The following GPC6 variants were observed in gnomAD, a reference collection of about 807,000 sequenced individuals.
The protein encoded by GPC6 is glypican 6.
Under a neutral mutation model 55.2 loss-of-function variants are expected in GPC6, and 14 were observed. The observed-to-expected ratio is 0.25, with a 90% CI of 0.17 to 0.40. GPC6 has a LOEUF of 0.40. Among genes scored for constraint, GPC6 ranks in the 10% least tolerant of loss-of-function variants. The pLI is 1.00. For synonymous variants in GPC6, 278 were observed against 259.6 expected, an observed-to-expected ratio of 1.07 and a Z score of -0.68; for missense variants, 641 against 708.5, an observed-to-expected ratio of 0.90 and a Z score of 1.08.
chr13:94,240,385 A>T (rs1891018034), intron 4 of GPC6, among the ~76,000 whole-genome samples: 1 of 152,110 alleles, frequency 6.6e-6, no homozygotes, highest in Non-Finnish European at 1.5e-5. Flanking sequence ...TCATAATCAG[A>T]TTAATATTTT....
chr13:93,220,947 G>C, the GPC6 span, among the ~76,000 whole-genome samples: 2 of 152,096 alleles, frequency 1.3e-5, no homozygotes. Flanking sequence ...GCAGTGCACT[G>C]TCACCACTCA....
At chr13:93,550,046 T>C (rs1471687465) in intron 2 of GPC6, among the ~76,000 whole-genome samples, 1 of 152,184 alleles carries the variant, frequency 6.6e-6, no homozygotes. Context: ...AATCTACCCA[T>C]ATCTTTGAGA....
chr13:93,975,057 C>A (rs535819360), intron 3 of GPC6, among the ~76,000 whole-genome samples: 1 of 152,126 alleles, frequency 6.6e-6, no homozygotes, highest in Non-Finnish European at 1.5e-5. Context: ...TTCAGCATTG[C>A]CTGGGAATTG....
chr13:93,989,506 A>G (rs1157902073), intron 3 of GPC6, among the ~76,000 whole-genome samples: 1 of 152,204 alleles, frequency 6.6e-6, no homozygotes, highest in Non-Finnish European at 1.5e-5. Context: ...AGCCTCAGCC[A>G]TTCACAGTGA....
intron 4 of GPC6, among the ~76,000 whole-genome samples, chr13:94,166,620 C>A (rs1888379634): frequency 6.6e-6 from 1 of 152,118 alleles, no homozygotes. Context: ...CTGCACCATA[C>A]ATTATAGCTA....
intron 2 of GPC6, among the ~76,000 whole-genome samples, chr13:93,610,633 AC>A (rs1329699429): frequency 6.6e-6 from 1 of 152,226 alleles, no homozygotes; most frequent in East Asian, 1.9e-4. Context: ...GTTTATATGT[AC>A]ATGTGTACTT....
chr13:93,481,681 T>A (rs1196855398), intron 1 of GPC6, among the ~76,000 whole-genome samples: 1 of 152,086 alleles, frequency 6.6e-6, no homozygotes, highest in Non-Finnish European at 1.5e-5. Context: ...GCAGAATCAT[T>A]TGTTGAATAC....
At chr13:93,307,219 A>G (rs1289670281) in intron 1 of GPC6, among the ~76,000 whole-genome samples, 1 of 152,124 alleles carries the variant, frequency 6.6e-6, no homozygotes, top group African/African-American at 2.4e-5. Flanking sequence ...GCAGTAGTAC[A>G]ATGTAATTTC....
chr13:93,990,008 A>G (rs934194327), intron 3 of GPC6, among the ~76,000 whole-genome samples: 2 of 151,128 alleles, frequency 1.3e-5, no homozygotes, highest in African/African-American at 4.8e-5. Context: ...AAATAAATGT[A>G]AAGCACACCT....
chr13:93,903,545 A>G (rs1395266995), intron 3 of GPC6, among the ~76,000 whole-genome samples: 1 of 152,162 alleles, frequency 6.6e-6, no homozygotes, highest in Admixed American at 6.5e-5. Flanking sequence ...TGCTCAGACT[A>G]TATATTGTAG....
chr13:93,615,844 A>C (rs922451820), intron 2 of GPC6, among the ~76,000 whole-genome samples: 1 of 152,108 alleles, frequency 6.6e-6, no homozygotes, highest in Non-Finnish European at 1.5e-5. Context: ...AAACTCTCTG[A>C]AAATACTTAA....
intron 4 of GPC6, among the ~76,000 whole-genome samples, chr13:94,118,148 T>C (rs539165182): frequency 4.6e-5 from 7 of 152,138 alleles, no homozygotes; most frequent in African/African-American, 1.4e-4. Context: ...CATCTTGAAT[T>C]GTAGTTCTCA....
At chr13:93,330,281 T>A (rs1006150751) in intron 1 of GPC6, among the ~76,000 whole-genome samples, 1 of 152,148 alleles carries the variant, frequency 6.6e-6, no homozygotes, top group African/African-American at 2.4e-5. Flanking sequence ...TGCCAGCAAT[T>A]TGGGAGGCCA....
At chr13:93,974,927 C>T (rs75076358) in intron 3 of GPC6, among the ~76,000 whole-genome samples, 1,598 of 152,266 alleles carry the variant, frequency 0.01, 36 homozygotes, top group African/African-American at 0.037. Context: ...GGGGAAATAG[C>T]TTATCCAAGG....
At chr13:94,116,579 G>T (rs977353577) in intron 4 of GPC6, among the ~76,000 whole-genome samples, 2 of 151,990 alleles carry the variant, frequency 1.3e-5, no homozygotes, top group Non-Finnish European at 2.9e-5. Flanking sequence ...ATATTATCCT[G>T]CCTCCTTACA....
chr13:93,754,474 A>T (rs1040509165), intron 2 of GPC6, among the ~76,000 whole-genome samples: 7 of 152,124 alleles, frequency 4.6e-5, no homozygotes, highest in African/African-American at 1.4e-4. Flanking sequence ...AGAGATAAAT[A>T]ATTAATCGCT....
chr13:94,012,368 A>T (rs1313961525), intron 3 of GPC6, among the ~76,000 whole-genome samples: 3 of 152,192 alleles, frequency 2.0e-5, no homozygotes, highest in African/African-American at 4.8e-5. Flanking sequence ...TTGAGCCAGG[A>T]AGACTTTCTC....
intron 1 of GPC6, among the ~76,000 whole-genome samples, chr13:93,246,577 C>G (rs1050991128): frequency 6.6e-6 from 1 of 151,882 alleles, no homozygotes; most frequent in African/African-American, 2.4e-5. Context: ...ATGAACTTAA[C>G]AAAAGCCACT....
chr13:94,320,572 G>T (rs1044855613), intron 6 of GPC6, among the ~76,000 whole-genome samples: 1 of 152,308 alleles, frequency 6.6e-6, no homozygotes, highest in South Asian at 2.1e-4. Flanking sequence ...GCTGTATGTG[G>T]TGGGTTAGTG....
Sources: allele counts gnomAD v4.1 joint callset (sites outside exome capture counted in the v4.1 genomes callset), GRCh38; gene constraint gnomAD v4.1.1; transcripts MANE v1.5; gene names NCBI Gene and HGNC (gene_info 2026-07-23, HGNC 2026-07-21).